The following HEATR5A variants were observed in gnomAD, a reference collection of about 807,000 sequenced individuals.
The protein encoded by HEATR5A is HEAT repeat-containing protein 5A.
In HEATR5A, 178 loss-of-function variants were observed where a neutral mutation model predicts 218.8. The observed-to-expected ratio is 0.81, with a 90% CI of 0.72 to 0.92. HEATR5A has a LOEUF of 0.92. Ranked by LOEUF, HEATR5A falls within the 40% of genes least tolerant of loss-of-function variation. The probability of loss-of-function intolerance (pLI) is 0.00; values close to 1 mark genes in which losing one functional copy is unlikely to be tolerated. For missense variants in HEATR5A, 2,420 were observed against 2,418.9 expected, an observed-to-expected ratio of 1.00 and a Z score of -0.01; for synonymous variants, 864 against 871.6, an observed-to-expected ratio of 0.99 and a Z score of 0.15.
chr14:31,327,150 T>G (rs1396596596), intron 22 of HEATR5A, among the ~76,000 whole-genome samples: 1 of 151,852 alleles, frequency 6.6e-6, no homozygotes, highest in African/African-American at 2.4e-5. Context: ...AATTTTTGTA[T>G]TTTTAGTAGA....
intron 16 of HEATR5A, among the ~76,000 whole-genome samples, chr14:31,354,027 T>C (rs577269406): frequency 2.5e-4 from 38 of 152,100 alleles, no homozygotes; most frequent in African/African-American, 5.3e-4. Context: ...TCTTGATCTC[T>C]TGGCCTCGTG....
chr14:31,318,046 C>T (rs1269566560), intron 26 of HEATR5A, among the ~76,000 whole-genome samples, 178 bp downstream of exon 26: 2 of 152,204 alleles, frequency 1.3e-5, no homozygotes, highest in African/African-American at 4.8e-5. Context: ...TAAATTATAA[C>T]ATATCTATAT....
intron 14 of HEATR5A, among the ~76,000 whole-genome samples, chr14:31,360,452 A>G (rs370098587): frequency 2.4e-4 from 37 of 152,212 alleles, no homozygotes; most frequent in African/African-American, 8.4e-4. Flanking sequence ...GTGTTCTCCA[A>G]TAACACAGGA....
intron 31 of HEATR5A, 27 bp from the exon 32 acceptor site, chr14:31,305,204 T>C (rs1462857491): frequency 6.3e-7 from 1 of 1,599,626 alleles, no homozygotes; most frequent in Non-Finnish European, 8.5e-7. Flanking sequence ...TGTTTAATAC[T>C]TTGTGCTTGC....
intron 12 of HEATR5A, among the ~76,000 whole-genome samples, chr14:31,373,021 C>T (rs1595149135): frequency 6.6e-6 from 1 of 151,604 alleles, no homozygotes; most frequent in Non-Finnish European, 1.5e-5. Context: ...TCAATGAAGC[C>T]TCCACCTCCC....
Position 31,305,046 on chromosome 14 carries a change from G to C in HEATR5A, c.5098C>G (p.Leu1700Val), listed in dbSNP as rs532581649. The part of the protein sequence containing the change: ...ELCVCILVRQ[L>V]PELNPKLTGS... ...GTCAATTTAGGGTTTAATTCTGGGA[G>C]CTGTCTAACTAGAATGCATACACAC... The change falls in exon 32 of 36, where the codon CTC (leucine) becomes GTC (valine). Residue 1700 changes from leucine (L) to valine (V), a missense_variant. Transcript: ENST00000543095. 1 of 1,613,844 alleles carries C rather than the reference G, an allele frequency of 6.2e-7. No individual in the cohort carries two copies. The highest frequency in any genetic ancestry group is 8.5e-7 in the Non-Finnish European group (1 of 1,179,902).
At position 31,401,863 on chromosome 14, in the gene HEATR5A, T is replaced by A. The variant is rs935031264; in HGVS notation, c.126+987A>T. Among the ~76,000 whole-genome samples the A allele has an allele frequency of 4.7e-4, 71 of 152,244 alleles. 1 individual carries two copies. Among genetic ancestry groups the A allele is most frequent in the Non-Finnish European group, 1.9e-4 (13 of 68,044 alleles). ...TTTTCTTTTTGCAAGCTTACGTATATAAATGTTAATAACATTATTCCATTT... is the reference window on the plus strand; with the variant it reads ...TTTTCTTTTTGCAAGCTTACGTATAAAAATGTTAATAACATTATTCCATTT... On this transcript the variant is annotated intron_variant, in intron 2 of 35. Transcript: ENST00000543095.
intron 1 of HEATR5A, among the ~76,000 whole-genome samples, chr14:31,407,152 A>G (rs1337452797): frequency 6.6e-6 from 1 of 152,012 alleles, no homozygotes. Flanking sequence ...TTAGCTGGGC[A>G]TGGTGGTGCA....
At chr14:31,385,769 C>G (rs1023893715) in intron 9 of HEATR5A, among the ~76,000 whole-genome samples, 1 of 152,066 alleles carries the variant, frequency 6.6e-6, no homozygotes, top group African/African-American at 2.4e-5. Flanking sequence ...CTCTTGTTGC[C>G]CAGGCTGGAG....
rs2030264749 is a variant in HEATR5A at position 31,387,256 on chromosome 14, C to T, written c.1053G>A (p.Gln351=). 1 of 1,613,820 alleles carries T rather than the reference C, an allele frequency of 6.2e-7. No individual in the cohort carries two copies. Among genetic ancestry groups the T allele is most frequent in the Non-Finnish European group, 8.5e-7 (1 of 1,179,908 alleles). ...SPSHPKATQT[Q]IDAVCCRRCV... ...AACGGCGACAGCAGACGGCATCGAT[C>T]TGAGTTTGGGTGGCTTTAGGGTGTG... The change falls in exon 8 of 36, where the codon CAG becomes CAA. Residue 351 remains glutamine (Q), a synonymous_variant. Transcript: ENST00000543095.
chr14:31,342,602 C>T (rs1205575843), intron 21 of HEATR5A, among the ~76,000 whole-genome samples: 1 of 152,008 alleles, frequency 6.6e-6, no homozygotes, highest in Non-Finnish European at 1.5e-5. Context: ...ACGGGACTTC[C>T]CTAAAGGTGC....
intron 27 of HEATR5A, among the ~76,000 whole-genome samples, chr14:31,314,864 A>G (rs933866050): frequency 2.0e-5 from 3 of 152,192 alleles, no homozygotes; most frequent in African/African-American, 7.2e-5. Flanking sequence ...GAGATTACAT[A>G]CCTTCATTAA....
At chr14:31,332,424 T>C (rs1900503958) in intron 22 of HEATR5A, among the ~76,000 whole-genome samples, 1 of 152,208 alleles carries the variant, frequency 6.6e-6, no homozygotes, top group South Asian at 2.1e-4. Context: ...GGCCAATGAA[T>C]AACACCGCAA....
chr14:31,369,089 A>G (rs919970411), intron 13 of HEATR5A, among the ~76,000 whole-genome samples: 1 of 152,046 alleles, frequency 6.6e-6, no homozygotes, highest in African/African-American at 2.4e-5. Context: ...TTGAGCCTGG[A>G]AATTTGAGAC....
At chr14:31,372,034 C>T in intron 12 of HEATR5A, 125 bp from the exon 13 acceptor site, 1 of 512,684 alleles carries the variant, frequency 2.0e-6, no homozygotes, top group East Asian at 3.3e-5. Flanking sequence ...TAAAAAAATT[C>T]TTGAAACTCT....
At chr14:31,352,818 CGTG>C (rs1453578223) in intron 16 of HEATR5A, among the ~76,000 whole-genome samples, 2 of 151,864 alleles carry the variant, frequency 1.3e-5, no homozygotes, top group Non-Finnish European at 2.9e-5. Flanking sequence ...ACTAGCCAGG[CGTG>C]GTGGCATGTG....
intron 14 of HEATR5A, among the ~76,000 whole-genome samples, chr14:31,362,606 C>CAAAAAAAAAAAAAAAAA (rs71115003): frequency 2.2e-5 from 1 of 44,750 alleles, no homozygotes; most frequent in Non-Finnish European, 3.6e-5. Context: ...CTACAAATGA[C>CAAAAAAAAAAAAAAAAA]AAAAAAAAAA....
At chr14:31,391,250 C>T (rs1302142362) in intron 6 of HEATR5A, among the ~76,000 whole-genome samples, 2 of 152,096 alleles carry the variant, frequency 1.3e-5, no homozygotes, top group Non-Finnish European at 2.9e-5. Flanking sequence ...GATTCTCATG[C>T]CTCAGCCTCC....
intron 23 of HEATR5A, among the ~76,000 whole-genome samples, chr14:31,325,724 C>T (rs1321331116): frequency 6.6e-6 from 1 of 151,980 alleles, no homozygotes; most frequent in Admixed American, 6.6e-5. Flanking sequence ...CCACGTTGCC[C>T]AGGCTGGTCT....
Sources: gnomAD v4.1 joint callset for allele counts (sites outside exome capture counted in the v4.1 genomes callset) on GRCh38, gnomAD v4.1.1 for gene constraint, MANE v1.5 for transcripts, NCBI Gene and HGNC (gene_info 2026-07-23, HGNC 2026-07-21) for gene names.